The following SCHIP1 variants were observed in gnomAD, a reference collection of about 807,000 sequenced individuals.
SCHIP1 encodes schwannomin interacting protein 1, also known as schwannomin-interacting protein 1.
SCHIP1 carries 8 observed loss-of-function variants against 29.7 expected under a neutral mutation model. The ratio of observed to expected loss-of-function variants is 0.27; its 90% CI spans 0.16 to 0.49. The LOEUF is 0.49. SCHIP1 is among the 20% of genes least tolerant of loss of function. The pLI, the probability that SCHIP1 is intolerant of heterozygous loss-of-function variation, is 0.99. For synonymous variants in SCHIP1, 76 were observed against 94.9 expected, an observed-to-expected ratio of 0.80 and a Z score of 1.16; for missense variants, 193 against 294.6, an observed-to-expected ratio of 0.66 and a Z score of 2.52.
chr3:159,655,581 C>T, the SCHIP1 span, among the ~76,000 whole-genome samples: 389 of 152,128 alleles, frequency 2.6e-3, 14 homozygotes, highest in East Asian at 0.065. Context: ...GAGAAGGGGA[C>T]ATAGAACCAA....
At chr3:159,593,643 G>A in the SCHIP1 span, among the ~76,000 whole-genome samples, 1 of 152,040 alleles carries the variant, frequency 6.6e-6, no homozygotes, top group Non-Finnish European at 1.5e-5. Context: ...AGATAAATGA[G>A]GTCTCTCCTG....
chr3:159,723,380 G>A, the SCHIP1 span, among the ~76,000 whole-genome samples: 170 of 151,900 alleles, frequency 1.1e-3, 1 homozygote, highest in Admixed American at 2.8e-3. Flanking sequence ...TATATTTTTT[G>A]CAATGTTTCT....
the SCHIP1 span, among the ~76,000 whole-genome samples, chr3:159,610,921 C>T: frequency 6.6e-6 from 1 of 151,962 alleles, no homozygotes; most frequent in Non-Finnish European, 1.5e-5. Flanking sequence ...AACCTCCATA[C>T]GTGATAATAT....
chr3:159,546,843 C>A, the SCHIP1 span, among the ~76,000 whole-genome samples: 1 of 151,982 alleles, frequency 6.6e-6, no homozygotes, highest in South Asian at 2.1e-4. Flanking sequence ...TGGGTTGGTT[C>A]CAAGTCTTTG....
chr3:159,524,112 C>A, the SCHIP1 span, among the ~76,000 whole-genome samples: 1 of 152,164 alleles, frequency 6.6e-6, no homozygotes, highest in Non-Finnish European at 1.5e-5. Context: ...CATCAATTAA[C>A]TCTTATGTTC....
At chr3:159,652,093 G>T in the SCHIP1 span, among the ~76,000 whole-genome samples, 1 of 150,558 alleles carries the variant, frequency 6.6e-6, no homozygotes, top group Non-Finnish European at 1.5e-5. Context: ...GACAGAGTGA[G>T]ACTCCATCTC....
At chr3:159,627,810 C>G in the SCHIP1 span, among the ~76,000 whole-genome samples, 2 of 152,186 alleles carry the variant, frequency 1.3e-5, no homozygotes, top group Non-Finnish European at 2.9e-5. Context: ...TTTATTGAGG[C>G]AATGTCAATA....
the SCHIP1 span, chr3:159,765,122 G>T: frequency 6.4e-7 from 1 of 1,566,890 alleles, no homozygotes; most frequent in African/African-American, 1.4e-5. Flanking sequence ...GGCCAGGCGA[G>T]GACCAACTCC....
At chr3:159,680,689 A>ATATATAATATATATTATATATAATATATG in the SCHIP1 span, among the ~76,000 whole-genome samples, 20 of 50,134 alleles carry the variant, frequency 4.0e-4, no homozygotes, top group African/African-American at 2.1e-3. Flanking sequence ...TAATATATGT[A>ATATATAATATATATTATATATAATATATG]TATATATAAT....
the SCHIP1 span, among the ~76,000 whole-genome samples, chr3:159,828,992 T>C: frequency 6.6e-6 from 1 of 152,196 alleles, no homozygotes; most frequent in Non-Finnish European, 1.5e-5. Flanking sequence ...TTTCTGCCAC[T>C]GCGTTCTCTG....
chr3:159,535,503 G>A, the SCHIP1 span, among the ~76,000 whole-genome samples: 1 of 152,080 alleles, frequency 6.6e-6, no homozygotes, highest in African/African-American at 2.4e-5. Flanking sequence ...GTGCCTCTCT[G>A]GTCCCCAGCC....
chr3:159,327,876 GA>G, the SCHIP1 span, among the ~76,000 whole-genome samples: 1 of 152,178 alleles, frequency 6.6e-6, no homozygotes, highest in Non-Finnish European at 1.5e-5. Flanking sequence ...GCCAGGCCTG[GA>G]GGGTATATGA....
At chr3:159,554,106 G>A in the SCHIP1 span, among the ~76,000 whole-genome samples, 1 of 151,818 alleles carries the variant, frequency 6.6e-6, no homozygotes, top group Admixed American at 6.6e-5. Flanking sequence ...TCCTGACCTC[G>A]TGATCCGCCC....
chr3:159,620,860 T>C, the SCHIP1 span, among the ~76,000 whole-genome samples: 1 of 152,252 alleles, frequency 6.6e-6, no homozygotes. Context: ...CAGGCTTTTT[T>C]TAAAAATTGT....
chr3:159,587,974 G>GTATA, the SCHIP1 span, among the ~76,000 whole-genome samples: 5 of 152,236 alleles, frequency 3.3e-5, no homozygotes, highest in East Asian at 9.7e-4. Flanking sequence ...AATCCTTTGG[G>GTATA]TATATACCCA....
chr3:159,869,691 T>C (rs1715035396), intron 2 of SCHIP1, among the ~76,000 whole-genome samples: 1 of 151,856 alleles, frequency 6.6e-6, no homozygotes, highest in African/African-American at 2.4e-5. Context: ...TGTTACGGCT[T>C]TTTTTATTCC....
chr3:159,794,040 A>G, the SCHIP1 span, among the ~76,000 whole-genome samples: 1 of 152,184 alleles, frequency 6.6e-6, no homozygotes, highest in African/African-American at 2.4e-5. Flanking sequence ...CCCCATAGCA[A>G]GGTCTTTAAC....
the SCHIP1 span, among the ~76,000 whole-genome samples, chr3:159,720,519 A>G: frequency 3.3e-5 from 5 of 151,600 alleles, no homozygotes; most frequent in African/African-American, 1.2e-4. Context: ...TTTAAATAAG[A>G]CCTTCGTTCC....
the SCHIP1 span, among the ~76,000 whole-genome samples, chr3:159,423,951 G>T: frequency 6.6e-6 from 1 of 151,956 alleles, no homozygotes; most frequent in Admixed American, 6.6e-5. Flanking sequence ...GGCAAACAGG[G>T]TCTGGAGTGG....
Sources: allele counts gnomAD v4.1 joint callset (sites outside exome capture counted in the v4.1 genomes callset), GRCh38; gene constraint gnomAD v4.1.1; transcripts MANE v1.5; gene names NCBI Gene and HGNC (gene_info 2026-07-23, HGNC 2026-07-21).